TRAPPC2: variants seen among roughly 807,000 people sequenced by gnomAD.
TRAPPC2 encodes trafficking protein particle complex subunit 2, also known as sedlin.
Under a neutral mutation model 10.0 loss-of-function variants are expected in TRAPPC2, and 4 were observed. That is an observed-to-expected ratio of 0.40 (90% CI 0.20 to 0.92). TRAPPC2 has a LOEUF of 0.92. TRAPPC2 is among the 40% of genes least tolerant of loss of function. The pLI, the probability that TRAPPC2 is intolerant of heterozygous loss-of-function variation, is 0.35. For missense variants in TRAPPC2, 52 were observed against 108.7 expected, an observed-to-expected ratio of 0.48 and a Z score of 2.32; for synonymous variants, 36 against 37.3, an observed-to-expected ratio of 0.97 and a Z score of 0.12.
At chrX:13,725,232 C>A (rs1044903658) in intron 2 of TRAPPC2, among the ~76,000 whole-genome samples, 2 of 113,141 alleles carry the variant, frequency 1.8e-5, no homozygotes, top group African/African-American at 6.4e-5. Flanking sequence ...TCTGACAGCT[C>A]TGAAGAGAGC....
At chrX:13,726,334 A>G (rs2046550894) in intron 2 of TRAPPC2, among the ~76,000 whole-genome samples, 2 of 111,840 alleles carry the variant, frequency 1.8e-5, no homozygotes, top group Admixed American at 1.9e-4. Context: ...GAAATGAAGG[A>G]AAAAAATGTT....
chrX:13,721,613 A>C (rs972064211), intron 2 of TRAPPC2: 4 of 112,226 alleles, frequency 3.6e-5, no homozygotes, highest in Non-Finnish European at 5.6e-5. Flanking sequence ...CAATGAAATC[A>C]GAAGAAATCT....
Position 13,714,329 on chromosome X carries a change from A to G in TRAPPC2, c.*78T>C. On this transcript the variant is annotated 3_prime_UTR_variant, in exon 6 of 6. Coordinates refer to ENST00000380579, the MANE Select transcript of TRAPPC2 (RefSeq NM_001011658.4). ...TACACAAAAGTTTTCCAGGCTATTTAATCAAGTAACTTACAATGTACACAT... is the reference window on the plus strand; with the variant it reads ...TACACAAAAGTTTTCCAGGCTATTTGATCAAGTAACTTACAATGTACACAT... The G allele has an allele frequency of 3.3e-6, 2 of 612,388 alleles. No homozygotes were observed. Among genetic ancestry groups the G allele is most frequent in the Non-Finnish European group, 4.9e-6 (2 of 409,977 alleles). The allele number at this position is 612,388 out of a possible 1,213,427, so 50.5% of individuals were successfully genotyped here. A position where few individuals can be genotyped will look rare whatever the true frequency, so the allele number is the denominator to read the frequency against.
At chrX:13,718,259 C>T (rs1176465476) in intron 3 of TRAPPC2, among the ~76,000 whole-genome samples, 1 of 113,115 alleles carries the variant, frequency 8.8e-6, no homozygotes. Flanking sequence ...CGGCCCGTTG[C>T]CGTGGAATCC....
intron 3 of TRAPPC2, among the ~76,000 whole-genome samples, chrX:13,717,696 G>A (rs1326942712): frequency 9.0e-6 from 1 of 111,260 alleles, no homozygotes; most frequent in Non-Finnish European, 1.9e-5. Flanking sequence ...CCGAGATCAC[G>A]CCATTGCACT....
At chrX:13,729,009 A>G (rs1479655147) in intron 2 of TRAPPC2, among the ~76,000 whole-genome samples, 1 of 112,007 alleles carries the variant, frequency 8.9e-6, no homozygotes. Context: ...TGCTACAAAG[A>G]GAATAAAATA....
chrX:13,723,095 CAA>C (rs749531653), intron 2 of TRAPPC2, among the ~76,000 whole-genome samples: 272 of 62,713 alleles, frequency 4.3e-3, no homozygotes, highest in Middle Eastern at 9.0e-3. Context: ...GACTCCATCT[CAA>C]AAAAAAAAAA....
At chrX:13,715,729 A>G in intron 5 of TRAPPC2, 1 of 821,956 alleles carries the variant, frequency 1.2e-6, no homozygotes, top group East Asian at 8.4e-5. Context: ...GGGATCCCTA[A>G]TAAAATCAGC....
In TRAPPC2 at chrX:13,712,412, G is replaced by C. The variant is rs2046231000; in HGVS notation, c.*1995C>G. The C allele has an allele frequency of 8.9e-6, 1 of 112,054 alleles. No homozygotes were observed. Among genetic ancestry groups the C allele is most frequent in the African/African-American group, 3.2e-5 (1 of 30,807 alleles). 9.2% of individuals were successfully genotyped at this position (112,054 alleles called of 1,213,427 possible). ...AGGCTGTATTACTTGCTTTTCAATG[G>C]ACATTTACTATTTTACATTAAGATC... On this transcript the variant is annotated 3_prime_UTR_variant, in exon 6 of 6. Transcript: ENST00000380579.
intron 4 of TRAPPC2, 173 bp downstream of exon 4, chrX:13,716,361 A>T: frequency 3.2e-6 from 2 of 619,741 alleles, no homozygotes; most frequent in Non-Finnish European, 5.0e-6. Flanking sequence ...ATTAGCTATT[A>T]AACAAAATGT....
chrX:13,718,407 G>C, intron 3 of TRAPPC2, among the ~76,000 whole-genome samples: 1 of 113,010 alleles, frequency 8.8e-6, no homozygotes, highest in Non-Finnish European at 1.9e-5. Context: ...TGAAGAATTA[G>C]GAGCAAACTG....
Position 13,716,431 on chromosome X carries a change from C to T in TRAPPC2, c.238+103G>A. ...AATGGAAACTTACATTTTCACCTGA[C>T]TGTGAAGTCTACAGACTCAGAGCCT... On this transcript the variant is annotated intron_variant, in intron 4 of 5. Coordinates refer to ENST00000380579, the MANE Select transcript of TRAPPC2 (RefSeq NM_001011658.4). 1.9e-5 allele frequency: 19 copies of T among 1,007,353 alleles called. No homozygotes were observed. The South Asian group carries it at 2.8e-4, about 15-fold the overall frequency. 83.0% of individuals were successfully genotyped at this position (1,007,353 alleles called of 1,213,427 possible).
intron 2 of TRAPPC2, among the ~76,000 whole-genome samples, chrX:13,726,492 A>T (rs2046553518): frequency 8.9e-6 from 1 of 111,912 alleles, no homozygotes; most frequent in African/African-American, 3.3e-5. Context: ...AGAATTTCAT[A>T]TCCAGCCAAA....
At chrX:13,722,772 G>T (rs1192893976) in intron 2 of TRAPPC2, among the ~76,000 whole-genome samples, 1 of 112,055 alleles carries the variant, frequency 8.9e-6, no homozygotes, top group South Asian at 3.7e-4. Flanking sequence ...TTAGAAATGT[G>T]GCTAGTGTAG....
intron 2 of TRAPPC2, chrX:13,720,539 T>C (rs1455129757): frequency 1.8e-5 from 2 of 112,651 alleles, no homozygotes; most frequent in African/African-American, 6.5e-5. Flanking sequence ...GCAGACTGCG[T>C]GTGCTGTATT....
intron 3 of TRAPPC2, among the ~76,000 whole-genome samples, chrX:13,717,299 A>G (rs1374164774): frequency 2.7e-5 from 3 of 111,853 alleles, no homozygotes; most frequent in South Asian, 3.7e-4. Context: ...GCCTGTGTCA[A>G]TAGCAGGACA....
At chrX:13,716,743 C>T in intron 3 of TRAPPC2, 65 bp from the exon 4 acceptor site, 2 of 1,131,904 alleles carry the variant, frequency 1.8e-6, no homozygotes, top group Non-Finnish European at 2.4e-6. Context: ...GCTGACATTT[C>T]ATTCTGTAAA....
chrX:13,730,552 C>T (rs2046653328), intron 2 of TRAPPC2, among the ~76,000 whole-genome samples: 1 of 111,479 alleles, frequency 9.0e-6, no homozygotes, highest in Non-Finnish European at 1.9e-5. Flanking sequence ...TTTGACCCAG[C>T]AAACTTATTG....
intron 3 of TRAPPC2, among the ~76,000 whole-genome samples, chrX:13,716,999 TA>T (rs1370651819): frequency 1.2e-5 from 1 of 86,757 alleles, no homozygotes; most frequent in African/African-American, 4.5e-5. Flanking sequence ...CCGAATTCTG[TA>T]ACCATCTAAA....
Sources: gnomAD v4.1 joint callset for allele counts (sites outside exome capture counted in the v4.1 genomes callset) on GRCh38, gnomAD v4.1.1 for gene constraint, MANE v1.5 for transcripts, NCBI Gene and HGNC (gene_info 2026-07-23, HGNC 2026-07-21) for gene names.